The following SLC12A1 variants were observed in gnomAD, a reference collection of about 807,000 sequenced individuals.
SLC12A1 encodes solute carrier family 12 member 1.
Under a neutral mutation model 130.4 loss-of-function variants are expected in SLC12A1, and 89 were observed. The observed-to-expected ratio is 0.68, with a 90% CI of 0.58 to 0.81. The LOEUF (loss-of-function observed/expected upper bound fraction) is 0.81, where lower values mean the gene tolerates loss of function less well. Among genes scored for constraint, SLC12A1 ranks in the 40% least tolerant of loss-of-function variants. SLC12A1 has a pLI of 0.00. For synonymous variants in SLC12A1, 499 were observed against 460.0 expected, an observed-to-expected ratio of 1.08 and a Z score of -1.09; for missense variants, 1,310 against 1,336.4, an observed-to-expected ratio of 0.98 and a Z score of 0.31.
Position 48,267,730 on chromosome 15 carries a change from G to A in SLC12A1, c.2295+29G>A, listed in dbSNP as rs775432558. ...AGGCTGCATTGAGGGAATGAGCACA[G>A]AGGCAAAAGACAATTAGTGCTCCAT... On this transcript the variant is annotated intron_variant, in intron 18 of 26. Coordinates refer to ENST00000380993, the MANE Select transcript of SLC12A1 (RefSeq NM_000338.3). 7 of 1,610,952 alleles carry A rather than the reference G, an allele frequency of 4.3e-6. No individual in the cohort carries two copies. The South Asian group carries it at 7.7e-5, about 18-fold the overall frequency.
In SLC12A1 at chr15:48,301,333, C is replaced by T; in HGVS notation, c.3115C>T (p.Leu1039=). ...VKEKSYRQVR[L]NELLQEHSRA... ...CCCACAGAGTTACCGCCAAGTTCGA[C>T]TGAATGAACTCTTACAGGAGCACTC... The change falls in exon 26 of 27, where the codon CTG becomes TTG. Residue 1039 remains leucine, a synonymous_variant. Coordinates refer to ENST00000380993, the MANE Select transcript of SLC12A1 (RefSeq NM_000338.3). The T allele has an allele frequency of 6.2e-7, 1 of 1,601,388 alleles. No individual in the cohort carries two copies. The highest frequency in any genetic ancestry group is 8.5e-7 in the Non-Finnish European group (1 of 1,173,478).
In SLC12A1 at chr15:48,302,808, G is replaced by C. The variant is rs2042250767; in HGVS notation, c.3223G>C (p.Glu1075Gln). ...GGATTTGTTGTATATGGCTTGGTTG[G>C]AAATCCTCACAAAGAACCTCCCACC... ...ISDLLYMAWL[E>Q]ILTKNLPPVL... The change falls in exon 27 of 27, where the codon GAA (glutamate) becomes CAA (glutamine). Residue 1075 changes from glutamate to glutamine, a missense_variant. By Grantham distance (29) the Glu-to-Gln change is conservative. Coordinates refer to ENST00000380993, the MANE Select transcript of SLC12A1 (RefSeq NM_000338.3). 1 of 1,613,380 alleles carries C rather than the reference G, an allele frequency of 6.2e-7. No individual in the cohort carries two copies. The highest frequency in any genetic ancestry group is 1.3e-5 in the African/African-American group (1 of 74,838).
intron 2 of SLC12A1, among the ~76,000 whole-genome samples, chr15:48,210,834 G>T (rs1205607059): frequency 6.6e-6 from 1 of 151,774 alleles, no homozygotes; most frequent in African/African-American, 2.4e-5. Context: ...CTGCACTCCA[G>T]TCTGGGCAAC....
At chr15:48,291,539 G>A (rs2042121403) in intron 23 of SLC12A1, among the ~76,000 whole-genome samples, 1 of 152,154 alleles carries the variant, frequency 6.6e-6, no homozygotes, top group African/African-American at 2.4e-5. Context: ...TGGATTGGCT[G>A]TTGCCAGTGT....
intron 9 of SLC12A1, among the ~76,000 whole-genome samples, chr15:48,238,880 T>C (rs1002353610): frequency 6.6e-6 from 1 of 152,158 alleles, no homozygotes; most frequent in Non-Finnish European, 1.5e-5. Flanking sequence ...TCTGTAAATA[T>C]GTACCTGGGA....
chr15:48,299,935 G>C (rs2042214981), intron 25 of SLC12A1, among the ~76,000 whole-genome samples: 1 of 152,168 alleles, frequency 6.6e-6, no homozygotes, highest in African/African-American at 2.4e-5. Context: ...AGGACCACAA[G>C]AACTTCTAAA....
At chr15:48,224,994 C>T (rs1432986501) in intron 4 of SLC12A1, 1 of 152,092 alleles carries the variant, frequency 6.6e-6, no homozygotes, top group Non-Finnish European at 1.5e-5. Context: ...TCTTACATTA[C>T]CTGCCACATA....
At chr15:48,293,162 T>G (rs68004907) in intron 24 of SLC12A1, among the ~76,000 whole-genome samples, 48,404 of 152,136 alleles carry the variant, frequency 0.32, 9,864 homozygotes, top group African/African-American at 0.56. Flanking sequence ...GCCCGCCTTA[T>G]CCTCCCAAAG....
At chr15:48,249,385 C>T (rs1201425042) in intron 13 of SLC12A1, among the ~76,000 whole-genome samples, 190 bp from the exon 14 acceptor site, 1 of 152,098 alleles carries the variant, frequency 6.6e-6, no homozygotes, top group African/African-American at 2.4e-5. Context: ...TTTTTTATTA[C>T]TTACTTTATG....
At chr15:48,261,807 A>G (rs746781924) in intron 17 of SLC12A1, among the ~76,000 whole-genome samples, 9 of 152,202 alleles carry the variant, frequency 5.9e-5, no homozygotes, top group Non-Finnish European at 1.0e-4. Flanking sequence ...TTTGAGAATA[A>G]CAGTCAAGTT....
intron 15 of SLC12A1, among the ~76,000 whole-genome samples, chr15:48,253,339 G>C (rs1170079511): frequency 6.6e-6 from 1 of 152,210 alleles, no homozygotes; most frequent in African/African-American, 2.4e-5. Context: ...CCCCTGTGTA[G>C]TCAATCTCCA....
chr15:48,240,281 G>A lies in SLC12A1; in HGVS notation c.1216-1234G>A, dbSNP rs536325128. Among the ~76,000 whole-genome samples the A allele has an allele frequency of 3.9e-5, 6 of 151,902 alleles. No homozygotes were observed. The South Asian group carries it at 1.0e-3, about 26-fold the overall frequency. Reference sequence around the variant, plus strand: ...ATTCAGTAGGCCCCATCACAGTCATGACTGCCTTCTTTTTCCTTCTGTGTG... The same window carrying A: ...ATTCAGTAGGCCCCATCACAGTCATAACTGCCTTCTTTTTCCTTCTGTGTG... On this transcript the variant is annotated intron_variant, in intron 9 of 26. Transcript: ENST00000380993.
intron 26 of SLC12A1, among the ~76,000 whole-genome samples, chr15:48,302,488 C>T (rs896216259): frequency 1.3e-4 from 19 of 150,464 alleles, no homozygotes; most frequent in African/African-American, 2.7e-4. Context: ...GGCGCGGTGG[C>T]GGGCGCCTGT....
intron 2 of SLC12A1, among the ~76,000 whole-genome samples, chr15:48,219,333 G>A (rs897442173): frequency 1.3e-5 from 2 of 151,982 alleles, no homozygotes; most frequent in African/African-American, 4.8e-5. Flanking sequence ...CAGGTCAAGA[G>A]GGTCATGAGG....
At chr15:48,294,227 A>G (rs2042149381) in intron 24 of SLC12A1, among the ~76,000 whole-genome samples, 2 of 151,478 alleles carry the variant, frequency 1.3e-5, no homozygotes, top group African/African-American at 4.9e-5. Context: ...GGGTGCCTGT[A>G]GTCCCAACTA....
rs936439575 is a variant in SLC12A1, at chr15:48,267,659, G to A, written c.2253G>A (p.Val751=). 1.2e-6 allele frequency: 2 copies of A among 1,613,468 alleles called. No individual in the cohort carries two copies. Among genetic ancestry groups the A allele is most frequent in the Non-Finnish European group, 1.7e-6 (2 of 1,179,596 alleles). The part of the protein sequence containing the change: ...KNKIKAFYAA[V]AADCFRDGVR... Reference sequence around the variant, plus strand: ...AAATCAAGGCTTTTTATGCTGCAGTGGCGGCAGACTGTTTCAGGGATGGTG... The same window carrying A: ...AAATCAAGGCTTTTTATGCTGCAGTAGCGGCAGACTGTTTCAGGGATGGTG... Residue 751 remains valine, a synonymous_variant, in exon 18 of 27, where the codon GTG becomes GTA. Coordinates refer to ENST00000380993, the MANE Select transcript of SLC12A1 (RefSeq NM_000338.3).
At chr15:48,296,087 T>G (rs1206901373) in intron 24 of SLC12A1, among the ~76,000 whole-genome samples, 1 of 152,212 alleles carries the variant, frequency 6.6e-6, no homozygotes, top group Non-Finnish European at 1.5e-5. Context: ...ACACTGGCTC[T>G]ATTTCAGCTC....
intron 8 of SLC12A1, 59 bp from the exon 9 acceptor site, chr15:48,234,818 T>C (rs1240856028): frequency 1.3e-6 from 2 of 1,547,038 alleles, no homozygotes; most frequent in Non-Finnish European, 1.8e-6. Flanking sequence ...AATGGTAACT[T>C]AATCTCCTGT....
chr15:48,290,865 T>G (rs1460514986), intron 23 of SLC12A1, among the ~76,000 whole-genome samples: 3 of 152,182 alleles, frequency 2.0e-5, no homozygotes, highest in Non-Finnish European at 4.4e-5. Context: ...AAGCTGCCAA[T>G]ATTTTATTGG....
Sources: gnomAD v4.1 joint callset for allele counts (sites outside exome capture counted in the v4.1 genomes callset) on GRCh38, gnomAD v4.1.1 for gene constraint, MANE v1.5 for transcripts, NCBI Gene and HGNC (gene_info 2026-07-23, HGNC 2026-07-21) for gene names.